Variants in SCHIP1 observed in about 807,000 individuals in gnomAD.
SCHIP1 encodes the protein schwannomin interacting protein 1, also known as schwannomin-interacting protein 1.
SCHIP1 carries 8 observed loss-of-function variants against 29.7 expected under a neutral mutation model. That is an observed-to-expected ratio of 0.27 (90% CI 0.16 to 0.49). The LOEUF (loss-of-function observed/expected upper bound fraction) is 0.49. Among genes scored for constraint, SCHIP1 ranks in the 20% least tolerant of loss-of-function variants. SCHIP1 has a pLI of 0.99. For missense variants in SCHIP1, 193 were observed against 294.6 expected (o/e 0.66, Z 2.52); for synonymous variants, 76 against 94.9 (o/e 0.80, Z 1.16).
chr3:159,372,032 T>C, the SCHIP1 span, among the ~76,000 whole-genome samples: 1 of 152,158 alleles, frequency 6.6e-6, no homozygotes, highest in Non-Finnish European at 1.5e-5. Flanking sequence ...CAAAAGACAA[T>C]AATATGCATT....
the SCHIP1 span, among the ~76,000 whole-genome samples, chr3:159,757,991 T>C: frequency 5.3e-5 from 8 of 152,308 alleles, no homozygotes; most frequent in South Asian, 1.7e-3. Flanking sequence ...TTTCATCTTA[T>C]ATTAGAGTCA....
chr3:159,819,595 C>T, the SCHIP1 span, among the ~76,000 whole-genome samples: 6 of 152,182 alleles, frequency 3.9e-5, no homozygotes, highest in Non-Finnish European at 8.8e-5. Flanking sequence ...GTTCTGGTCA[C>T]CAGTGGCTCC....
intron 1 of SCHIP1, among the ~76,000 whole-genome samples, chr3:159,864,649 G>A (rs1714431039): frequency 6.6e-6 from 1 of 152,152 alleles, no homozygotes; most frequent in Non-Finnish European, 1.5e-5. Context: ...AAAAGTGTGA[G>A]AGAAAAGGAG....
At chr3:159,806,964 G>T in the SCHIP1 span, among the ~76,000 whole-genome samples, 1 of 152,318 alleles carries the variant, frequency 6.6e-6, no homozygotes, top group East Asian at 1.9e-4. Flanking sequence ...TTGCCAGCCT[G>T]CACTTGTCTC....
the SCHIP1 span, among the ~76,000 whole-genome samples, chr3:159,790,878 T>G: frequency 6.6e-5 from 10 of 152,224 alleles, no homozygotes; most frequent in Admixed American, 2.0e-4. Context: ...GATTTGTTTC[T>G]TAATCCTTTA....
the SCHIP1 span, among the ~76,000 whole-genome samples, chr3:159,443,491 C>T: frequency 6.6e-6 from 1 of 152,110 alleles, no homozygotes; most frequent in East Asian, 1.9e-4. Context: ...TCCCAGCCAG[C>T]CCTGATGGTT....
chr3:159,529,884 A>G, the SCHIP1 span, among the ~76,000 whole-genome samples: 1 of 152,138 alleles, frequency 6.6e-6, no homozygotes, highest in South Asian at 2.1e-4. Flanking sequence ...GACTTGTTTC[A>G]CTTAACATAA....
Position 159,868,970 on chromosome 3 carries a change from C to A in SCHIP1, c.149+2689C>A, listed in dbSNP as rs1009057. Among the ~76,000 whole-genome samples the A allele has an allele frequency of 9.4e-3, 1,423 of 152,076 alleles. 56 individuals are homozygous for A. The highest frequency in any genetic ancestry group is 0.079 in the East Asian group (408 of 5,184). On this transcript the variant is annotated intron_variant, in intron 2 of 6. Transcript: ENST00000445224. ...TTACTAACATTTGATATTGCCAATTCTTTTAAGTTTTTGTGAAGATTGAAT... is the reference window on the plus strand; with the variant it reads ...TTACTAACATTTGATATTGCCAATTATTTTAAGTTTTTGTGAAGATTGAAT...
the SCHIP1 span, among the ~76,000 whole-genome samples, chr3:159,494,915 A>G: frequency 6.6e-6 from 1 of 152,240 alleles, no homozygotes; most frequent in Non-Finnish European, 1.5e-5. Flanking sequence ...ACTATGATCA[A>G]GTGGGCTTCA....
At chr3:159,687,906 C>G in the SCHIP1 span, among the ~76,000 whole-genome samples, 1 of 152,304 alleles carries the variant, frequency 6.6e-6, no homozygotes, top group Admixed American at 6.5e-5. Flanking sequence ...CAGCTTCATC[C>G]ATGTCCCTGC....
chr3:159,769,342 C>G, the SCHIP1 span, among the ~76,000 whole-genome samples: 1 of 152,226 alleles, frequency 6.6e-6, no homozygotes, highest in African/African-American at 2.4e-5. Flanking sequence ...AATTACACAT[C>G]TTTTTCTCTG....
the SCHIP1 span, among the ~76,000 whole-genome samples, chr3:159,480,875 A>C: frequency 1.3e-5 from 2 of 152,144 alleles, no homozygotes; most frequent in African/African-American, 4.8e-5. Flanking sequence ...GGGTGCAGGC[A>C]GGGTGAGTCC....
At chr3:159,464,679 C>T in the SCHIP1 span, among the ~76,000 whole-genome samples, 1 of 152,162 alleles carries the variant, frequency 6.6e-6, no homozygotes, top group Non-Finnish European at 1.5e-5. Context: ...GCCACGTTAA[C>T]ACCATTTCAC....
At chr3:159,370,128 C>T in the SCHIP1 span, among the ~76,000 whole-genome samples, 2 of 152,198 alleles carry the variant, frequency 1.3e-5, no homozygotes, top group Admixed American at 6.5e-5. Context: ...TATGTCACTA[C>T]TCTGCTGGAA....
At chr3:159,525,854 T>C in the SCHIP1 span, among the ~76,000 whole-genome samples, 1 of 152,252 alleles carries the variant, frequency 6.6e-6, no homozygotes, top group Non-Finnish European at 1.5e-5. Flanking sequence ...ATGCTTATTT[T>C]ACACATATTC....
At chr3:159,574,905 C>A in the SCHIP1 span, among the ~76,000 whole-genome samples, 8 of 152,226 alleles carry the variant, frequency 5.3e-5, no homozygotes, top group Non-Finnish European at 1.0e-4. Context: ...ATGGGACCTG[C>A]CAAGACAGGC....
chr3:159,532,678 T>C, the SCHIP1 span, among the ~76,000 whole-genome samples: 1 of 152,226 alleles, frequency 6.6e-6, no homozygotes, highest in East Asian at 1.9e-4. Context: ...GTGAGGTGTG[T>C]TGTTCCAATG....
chr3:159,314,157 A>T, the SCHIP1 span, among the ~76,000 whole-genome samples: 1 of 152,178 alleles, frequency 6.6e-6, no homozygotes, highest in Non-Finnish European at 1.5e-5. Flanking sequence ...TTCACTGCAG[A>T]CACCTGCTTT....
At chr3:159,742,768 A>G in the SCHIP1 span, among the ~76,000 whole-genome samples, 1 of 151,754 alleles carries the variant, frequency 6.6e-6, no homozygotes, top group Non-Finnish European at 1.5e-5. Context: ...CCCGGGTTCA[A>G]GCAATTTTCC....
Sources: gnomAD v4.1 joint callset for allele counts (sites outside exome capture counted in the v4.1 genomes callset) on GRCh38, gnomAD v4.1.1 for gene constraint, MANE v1.5 for transcripts, NCBI Gene and HGNC (gene_info 2026-07-23, HGNC 2026-07-21) for gene names.